CR1: variants seen among roughly 807,000 people sequenced by gnomAD.
The protein encoded by CR1 is complement C3b/C4b receptor 1 (Knops blood group).
In CR1, 116 loss-of-function variants were observed where a neutral mutation model predicts 187.3. The ratio of observed to expected loss-of-function variants is 0.62; its 90% CI spans 0.53 to 0.72. The LOEUF is 0.72. Among genes scored for constraint, CR1 ranks in the 30% least tolerant of loss-of-function variants. CR1 has a pLI of 0.00. For missense variants in CR1, 1,731 were observed against 2,110.7 expected (o/e 0.82, Z 3.52); for synonymous variants, 576 against 747.1 (o/e 0.77, Z 3.73).
chr1:207,516,597 A>G (rs1239322058), intron 4 of CR1, among the ~76,000 whole-genome samples: 1 of 152,172 alleles, frequency 6.6e-6, no homozygotes, highest in Non-Finnish European at 1.5e-5. Flanking sequence ...ACAAGTAACA[A>G]ATTTACAGTT....
chr1:207,593,623 C>G (rs781540703), intron 35 of CR1, among the ~76,000 whole-genome samples: 2 of 152,142 alleles, frequency 1.3e-5, no homozygotes, highest in African/African-American at 4.8e-5. Context: ...TCTAATGAAA[C>G]TAAAGAGCTT....
intron 45 of CR1, among the ~76,000 whole-genome samples, chr1:207,624,610 A>G (rs1662424739): frequency 6.6e-6 from 1 of 152,224 alleles, no homozygotes; most frequent in Admixed American, 6.5e-5. Flanking sequence ...TTTCATGGAA[A>G]AATACTGAAT....
intron 1 of CR1, 27 bp downstream of exon 1, chr1:207,496,415 C>T (rs113160165): frequency 1.5e-5 from 24 of 1,586,548 alleles, no homozygotes; most frequent in African/African-American, 9.4e-5. Flanking sequence ...CGTGGGGAGG[C>T]GCCCGGGCGG....
intron 45 of CR1, among the ~76,000 whole-genome samples, chr1:207,623,911 CTTTTTTTTTTTTTTTTTTT>C (rs71154830): frequency 5.7e-5 from 3 of 52,452 alleles, no homozygotes; most frequent in African/African-American, 1.4e-4. Context: ...ACACCATTAA[CTTTTTTTTTTTTTTTTTTT>C]TTTTTTTTTT....
intron 4 of CR1, among the ~76,000 whole-genome samples, chr1:207,522,578 C>G (rs1660031873): frequency 6.6e-6 from 1 of 152,192 alleles, no homozygotes; most frequent in South Asian, 2.1e-4. Flanking sequence ...TTCTCATCTT[C>G]TCCTAGATCA....
intron 35 of CR1, among the ~76,000 whole-genome samples, chr1:207,591,511 A>T (rs1034153682): frequency 6.6e-6 from 1 of 152,224 alleles, no homozygotes; most frequent in African/African-American, 2.4e-5. Flanking sequence ...AAAGATCTAA[A>T]ATCGACGCCC....
In CR1 at chr1:207,506,775, C is replaced by T. The variant is rs763635626; in HGVS notation, c.363C>T (p.Ile121=). The change falls in exon 3 of 47, where the codon ATC becomes ATT. Residue 121 remains isoleucine, a synonymous_variant. Coordinates refer to ENST00000367049, the MANE Select transcript of CR1 (RefSeq NM_000651.6). ...GCATGGTGCATGTGATCAAAGGCAT[C>T]CAGTTCGGATCCCAAATTAAATATT... is the stretch of plus-strand genomic sequence containing the variant. ...VNGMVHVIKG[I]QFGSQIKYSC... 1.2e-6 allele frequency: 2 copies of T among 1,613,632 alleles called. No homozygotes were observed. Among genetic ancestry groups the T allele is most frequent in the East Asian group, 4.5e-5 (2 of 44,878 alleles).
Position 207,618,188 on chromosome 1 carries a change from AG to A in CR1, c.7010del (p.Gly2337AlafsTer21). 4 of 1,613,844 alleles carry A rather than the reference AG, an allele frequency of 2.5e-6. No individual in the cohort carries two copies. Among genetic ancestry groups the A allele is most frequent in the Non-Finnish European group, 3.4e-6 (4 of 1,179,788 alleles). Reference sequence around the variant, plus strand: ...GACCCCGGCTACCTGTTAGTGGGAAAGGGCTTCATTTTCTGTACAGACCAGG... The same window carrying A: ...GACCCCGGCTACCTGTTAGTGGGAAAGGCTTCATTTTCTGTACAGACCAGG... The part of the protein sequence containing the change: ...ICDPGYLLVG[K>X]GFIFCTDQGI... On this transcript the variant is annotated frameshift_variant, in exon 42 of 47. Transcript: ENST00000367049. LOFTEE classifies it high-confidence loss of function.
Position 207,526,802 on chromosome 1 carries a change from C to T in CR1, c.936C>T (p.Asp312=). Residue 312 remains aspartate (D), a synonymous_variant, in exon 6 of 47, where the codon GAC becomes GAT. Coordinates refer to ENST00000367049, the MANE Select transcript of CR1 (RefSeq NM_000651.6). ...TGCATGCTGAGCGTACCCAAAGGGA[C>T]AAGGACAACTTTTCACCTGGGCAGG... is the stretch of plus-strand genomic sequence containing the variant. ...DVLHAERTQR[D]KDNFSPGQEV... is the part of the protein sequence containing the mutation. 1 of 1,502,264 alleles carries T rather than the reference C, an allele frequency of 6.7e-7. No individual in the cohort carries two copies. Among genetic ancestry groups the T allele is most frequent in the Non-Finnish European group, 8.8e-7 (1 of 1,132,946 alleles). The allele number at this position is 1,502,264 out of a possible 1,614,324, so 93.1% of individuals were successfully genotyped here.
chr1:207,638,854 T>C (rs1248896760), intron 46 of CR1, among the ~76,000 whole-genome samples: 15 of 152,200 alleles, frequency 9.9e-5, no homozygotes, highest in Admixed American at 9.8e-4. Flanking sequence ...CCTGTGGAGA[T>C]TTTTTGTGGG....
chr1:207,496,962 T>A (rs9429944), intron 1 of CR1, among the ~76,000 whole-genome samples: 105,085 of 152,026 alleles, frequency 0.69, 37,664 homozygotes, highest in East Asian at 0.96. Context: ...CTCTGTACTT[T>A]GCTCCCAATG....
At chr1:207,498,877 C>CAAAAGAAAAAAA (rs1659173101) in intron 1 of CR1, among the ~76,000 whole-genome samples, 1 of 50,104 alleles carries the variant, frequency 2.0e-5, no homozygotes, top group Non-Finnish European at 3.6e-5. Context: ...AACTCCAAAT[C>CAAAAGAAAAAAA]AAAAAAAAAA....
intron 5 of CR1, among the ~76,000 whole-genome samples, chr1:207,524,683 C>T (rs1422327141): frequency 2.0e-5 from 3 of 151,898 alleles, no homozygotes; most frequent in Admixed American, 6.6e-5. Context: ...CCACCGTGCC[C>T]GGCCTCTATG....
intron 1 of CR1, among the ~76,000 whole-genome samples, chr1:207,499,017 T>C (rs1274604186): frequency 6.6e-6 from 1 of 151,122 alleles, no homozygotes; most frequent in Non-Finnish European, 1.5e-5. Flanking sequence ...AAAGCAACTA[T>C]ATCAACAATC....
At chr1:207,509,365 G>A (rs1659546865) in intron 3 of CR1, among the ~76,000 whole-genome samples, 1 of 152,166 alleles carries the variant, frequency 6.6e-6, no homozygotes, top group Admixed American at 6.5e-5. Flanking sequence ...AGGATGTAAA[G>A]GCTTCAATCT....
chr1:207,500,635 G>A (rs7543742), intron 1 of CR1, among the ~76,000 whole-genome samples: 28,155 of 152,190 alleles, frequency 0.18, 3,721 homozygotes, highest in African/African-American at 0.37. Flanking sequence ...CCAAGTGTTG[G>A]CGATAAGGTG....
chr1:207,513,455 G>T (rs1484862501), intron 4 of CR1, among the ~76,000 whole-genome samples: 1 of 152,122 alleles, frequency 6.6e-6, no homozygotes, highest in African/African-American at 2.4e-5. Flanking sequence ...TCTGGTAAAA[G>T]GTCTGTCTTC....
At chr1:207,638,691 G>A (rs1318845034) in intron 46 of CR1, among the ~76,000 whole-genome samples, 2 of 152,154 alleles carry the variant, frequency 1.3e-5, no homozygotes, top group African/African-American at 2.4e-5. Flanking sequence ...TCCTGGACTG[G>A]CACTCCAAGG....
chr1:207,619,722 A>C (rs1267247596), intron 42 of CR1, among the ~76,000 whole-genome samples, 158 bp from the exon 43 acceptor site: 1 of 152,214 alleles, frequency 6.6e-6, no homozygotes, highest in African/African-American at 2.4e-5. Context: ...ATGTTAAATC[A>C]TAAGGTTTTT....
Sources: allele counts gnomAD v4.1 joint callset (sites outside exome capture counted in the v4.1 genomes callset), GRCh38; gene constraint gnomAD v4.1.1; transcripts MANE v1.5; gene names NCBI Gene and HGNC (gene_info 2026-07-23, HGNC 2026-07-21).